CHIC2: variants seen among roughly 807,000 people sequenced by gnomAD.
The protein encoded by CHIC2 is cysteine-rich hydrophobic domain-containing protein 2.
A neutral mutation model predicts 25.9 loss-of-function variants in CHIC2; 14 were observed. The observed-to-expected ratio is 0.54, with a 90% CI of 0.36 to 0.85. The LOEUF is 0.85. Ranked by LOEUF, CHIC2 falls within the 40% of genes least tolerant of loss-of-function variation. CHIC2 has a pLI of 0.01. For synonymous variants in CHIC2, 70 were observed against 72.0 expected (o/e 0.97, Z 0.14); for missense variants, 146 against 202.0 (o/e 0.72, Z 1.68).
chr4:54,031,572 A>G (rs546412136), intron 3 of CHIC2, among the ~76,000 whole-genome samples: 33 of 148,632 alleles, frequency 2.2e-4, no homozygotes, highest in African/African-American at 7.7e-4. Flanking sequence ...AGCACCTACT[A>G]TGGGCAAAAT....
intron 3 of CHIC2, among the ~76,000 whole-genome samples, chr4:54,041,791 G>C (rs922775711): frequency 1.3e-5 from 2 of 151,912 alleles, no homozygotes; most frequent in African/African-American, 4.8e-5. Context: ...ACCATCAAAA[G>C]GATTTATGGC....
At chr4:54,016,928 T>C (rs1715756888) in intron 3 of CHIC2, among the ~76,000 whole-genome samples, 1 of 151,772 alleles carries the variant, frequency 6.6e-6, no homozygotes, top group Admixed American at 6.6e-5. Context: ...AAGGTTGAGC[T>C]ACTGAGAATG....
At chr4:54,042,199 C>A (rs937197792) in intron 3 of CHIC2, among the ~76,000 whole-genome samples, 4 of 152,058 alleles carry the variant, frequency 2.6e-5, no homozygotes, top group African/African-American at 7.2e-5. Flanking sequence ...TTTGTTTATG[C>A]TCCCTAGATA....
chr4:54,033,266 A>G (rs916083673), intron 3 of CHIC2, among the ~76,000 whole-genome samples: 1 of 152,224 alleles, frequency 6.6e-6, no homozygotes. Flanking sequence ...TGTTATCATT[A>G]TGGTTTTAAT....
intron 1 of CHIC2, among the ~76,000 whole-genome samples, chr4:54,059,316 CAGG>C (rs1273151897): frequency 6.6e-6 from 1 of 151,966 alleles, no homozygotes; most frequent in Non-Finnish European, 1.5e-5. Context: ...CACTTGAAGC[CAGG>C]AGTTCAAAAC....
intron 3 of CHIC2, among the ~76,000 whole-genome samples, chr4:54,020,848 G>A (rs1715875266): frequency 1.3e-5 from 2 of 152,182 alleles, no homozygotes; most frequent in South Asian, 4.1e-4. Context: ...AGAGACGCCT[G>A]CCTGATTATT....
chr4:54,040,547 A>G (rs141838244), intron 3 of CHIC2, among the ~76,000 whole-genome samples: 1,601 of 152,140 alleles, frequency 0.011, 21 homozygotes, highest in Middle Eastern at 0.037. Flanking sequence ...CTAAAAATAC[A>G]AAAATTAGCT....
chr4:54,067,311 TGTG>T (rs1717537762), upstream of CHIC2, among the ~76,000 whole-genome samples: 1 of 151,916 alleles, frequency 6.6e-6, no homozygotes, highest in African/African-American at 2.4e-5. Flanking sequence ...TGTGTGTGTG[TGTG>T]TGTGTGTGTT....
chr4:54,037,192 T>C (rs1334714683), intron 3 of CHIC2, among the ~76,000 whole-genome samples: 5 of 151,664 alleles, frequency 3.3e-5, no homozygotes. Context: ...CTACCAAAAA[T>C]ACAAAAATTA....
Position 54,064,523 on chromosome 4 carries a change from A to G in CHIC2, c.-223T>C, listed in dbSNP as rs573777815. The G allele has an allele frequency of 2.2e-5, 30 of 1,380,790 alleles. No homozygotes were observed. The South Asian group carries it at 4.4e-4, about 20-fold the overall frequency. The allele number at this position is 1,380,790 out of a possible 1,614,324, so 85.5% of individuals were successfully genotyped here. A position where few individuals can be genotyped will look rare whatever the true frequency, so the allele number is the denominator to read the frequency against. On this transcript the variant is annotated 5_prime_UTR_variant, in exon 1 of 6. Transcript: ENST00000263921. The surrounding 1 kb of genome is among the most constrained non-coding windows in gnomAD (Gnocchi z 4.2). ...TACCATCAGCAATAACAACAACACA[A>G]TGTCAACATCCGCCCAGAGGCCGAC...
chr4:54,040,852 T>C (rs1436412876), intron 3 of CHIC2, among the ~76,000 whole-genome samples: 1 of 151,518 alleles, frequency 6.6e-6, no homozygotes, highest in Non-Finnish European at 1.5e-5. Flanking sequence ...CACTCCAGCC[T>C]GGATGACAAG....
Position 54,064,401 on chromosome 4 carries a change from C to T in CHIC2, c.-101G>A, listed in dbSNP as rs1717443506. 51 of 1,545,794 alleles carry T rather than the reference C, an allele frequency of 3.3e-5. 1 individual carries two copies. The South Asian group carries it at 5.7e-4, about 17-fold the overall frequency. On this transcript the variant is annotated 5_prime_UTR_variant, in exon 1 of 6. Transcript: ENST00000263921. This position sits in a 1 kb window ranked among gnomAD's most constrained non-coding sequence, Gnocchi z 4.2. ...CGGAGGCTGAGGGGAGTCGCCGCTG[C>T]CGCCGGCTCCGAGGCCGCGGAGTTC...
chr4:54,062,699 G>A (rs948299793), intron 1 of CHIC2, among the ~76,000 whole-genome samples: 1 of 152,092 alleles, frequency 6.6e-6, no homozygotes, highest in Non-Finnish European at 1.5e-5. Context: ...TTTGACATGA[G>A]GAATGTAGAA....
At chr4:54,020,348 A>C (rs1328078162) in intron 3 of CHIC2, among the ~76,000 whole-genome samples, 1 of 152,048 alleles carries the variant, frequency 6.6e-6, no homozygotes, top group African/African-American at 2.4e-5. Context: ...CACCACTCCT[A>C]ACTCCACCGC....
At chr4:54,033,132 G>A (rs1371100241) in intron 3 of CHIC2, among the ~76,000 whole-genome samples, 1 of 152,194 alleles carries the variant, frequency 6.6e-6, no homozygotes, top group African/African-American at 2.4e-5. Flanking sequence ...TGTACAGCCT[G>A]TAGAACCATG....
intron 5 of CHIC2, among the ~76,000 whole-genome samples, chr4:54,011,311 T>C (rs2110056700): frequency 6.6e-6 from 1 of 152,258 alleles, no homozygotes; most frequent in African/African-American, 2.4e-5. Context: ...ACTCTAGGTA[T>C]CCTGCACTAA....
chr4:54,024,211 C>A (rs1211232143), intron 3 of CHIC2, among the ~76,000 whole-genome samples: 1 of 152,182 alleles, frequency 6.6e-6, no homozygotes, highest in Non-Finnish European at 1.5e-5. Context: ...CCATTCTATT[C>A]TGTCGTCATT....
chr4:54,078,601 C>T, the CHIC2 span, among the ~76,000 whole-genome samples: 5 of 152,006 alleles, frequency 3.3e-5, no homozygotes, highest in African/African-American at 7.2e-5. Flanking sequence ...CTGCAACCTC[C>T]GCCTCCTGGG....
At chr4:54,021,949 T>C (rs2110064599) in intron 3 of CHIC2, among the ~76,000 whole-genome samples, 2 of 152,166 alleles carry the variant, frequency 1.3e-5, no homozygotes, top group South Asian at 4.1e-4. Context: ...GCAATGTATT[T>C]CTAAGTTCCA....
Sources: gnomAD v4.1 joint callset for allele counts (sites outside exome capture counted in the v4.1 genomes callset) on GRCh38, gnomAD v4.1.1 for gene constraint, Gnocchi (gnomAD v3.1) non-coding constraint, MANE v1.5 for transcripts, NCBI Gene and HGNC (gene_info 2026-07-23, HGNC 2026-07-21) for gene names.